Variants in ACSS3 observed in about 807,000 individuals in gnomAD.
ACSS3 encodes acyl-CoA synthetase short-chain family member 3, mitochondrial.
A neutral mutation model predicts 84.2 loss-of-function variants in ACSS3; 64 were observed. The ratio of observed to expected loss-of-function variants is 0.76; its 90% CI spans 0.62 to 0.94. The LOEUF (loss-of-function observed/expected upper bound fraction) is 0.94. Among genes scored for constraint, ACSS3 ranks in the 40% least tolerant of loss-of-function variants. The pLI is 0.00. For synonymous variants in ACSS3, 317 were observed against 310.1 expected (o/e 1.02, Z -0.23); for missense variants, 815 against 867.6 (o/e 0.94, Z 0.76).
At chr12:81,181,295 A>T (rs2030902668) in intron 8 of ACSS3, among the ~76,000 whole-genome samples, 1 of 152,152 alleles carries the variant, frequency 6.6e-6, no homozygotes, top group Admixed American at 6.5e-5. Flanking sequence ...TCTCACCTGG[A>T]GAAGCTGTAT....
intron 5 of ACSS3, among the ~76,000 whole-genome samples, chr12:81,144,782 T>TA (rs1752046327): frequency 6.6e-6 from 1 of 152,074 alleles, no homozygotes; most frequent in Non-Finnish European, 1.5e-5. Context: ...TTTCAGAAAT[T>TA]AAAAGCTGAC....
intron 9 of ACSS3, among the ~76,000 whole-genome samples, chr12:81,203,202 G>T (rs947320250): frequency 6.6e-6 from 1 of 152,152 alleles, no homozygotes; most frequent in African/African-American, 2.4e-5. Flanking sequence ...GAAGAAGAGT[G>T]TATTCCAACT....
chr12:81,172,233 T>G (rs565816223), intron 7 of ACSS3, among the ~76,000 whole-genome samples: 3 of 117,522 alleles, frequency 2.6e-5, no homozygotes, highest in African/African-American at 1.0e-4. Flanking sequence ...GCCACTGCAC[T>G]CCAGCCTGAG....
intron 2 of ACSS3, among the ~76,000 whole-genome samples, chr12:81,128,724 C>G (rs962387901): frequency 3.3e-5 from 5 of 152,118 alleles, no homozygotes; most frequent in African/African-American, 1.2e-4. Context: ...AATTGTAACT[C>G]TACACTCAGA....
chr12:81,239,341 A>G (rs760131008), intron 13 of ACSS3, among the ~76,000 whole-genome samples: 1 of 152,020 alleles, frequency 6.6e-6, no homozygotes, highest in Non-Finnish European at 1.5e-5. Context: ...CAACAATTTC[A>G]TTCAGAGACA....
chr12:81,238,174 A>T (rs997210633), intron 13 of ACSS3, among the ~76,000 whole-genome samples: 1 of 151,718 alleles, frequency 6.6e-6, no homozygotes, highest in Non-Finnish European at 1.5e-5. Flanking sequence ...TGATTATTGA[A>T]TTTCGAACCA....
chr12:81,162,145 T>C (rs753653348), intron 7 of ACSS3, among the ~76,000 whole-genome samples: 1 of 152,188 alleles, frequency 6.6e-6, no homozygotes, highest in Non-Finnish European at 1.5e-5. Flanking sequence ...TCTTGTCCCA[T>C]GTCAAGGATG....
At chr12:81,239,754 A>T (rs1593232214) in intron 13 of ACSS3, among the ~76,000 whole-genome samples, 1 of 152,002 alleles carries the variant, frequency 6.6e-6, no homozygotes, top group Non-Finnish European at 1.5e-5. Context: ...ATTCAAGATG[A>T]GATTTGGATG....
intron 1 of ACSS3, among the ~76,000 whole-genome samples, chr12:81,092,985 T>C (rs1881766351): frequency 6.7e-6 from 1 of 149,516 alleles, no homozygotes; most frequent in African/African-American, 2.5e-5. Context: ...AGGCTATGTC[T>C]AGGTTATGTT....
At chr12:81,228,170 G>C (rs1335066490) in intron 11 of ACSS3, among the ~76,000 whole-genome samples, 1 of 151,846 alleles carries the variant, frequency 6.6e-6, no homozygotes, top group Non-Finnish European at 1.5e-5. Context: ...AATATTTGGT[G>C]ATTGTTACCA....
At chr12:81,121,978 G>A (rs1029805028) in intron 2 of ACSS3, among the ~76,000 whole-genome samples, 15 of 150,562 alleles carry the variant, frequency 1.0e-4, no homozygotes, top group Non-Finnish European at 2.1e-4. Flanking sequence ...CTGCTGCCCA[G>A]ACAGGAGTGC....
intron 1 of ACSS3, among the ~76,000 whole-genome samples, chr12:81,099,750 T>A (rs1418843261): frequency 6.6e-6 from 1 of 152,196 alleles, no homozygotes; most frequent in African/African-American, 2.4e-5. Flanking sequence ...TATTCCCTTT[T>A]ATAATATTTG....
In ACSS3 at chr12:81,253,685, A is replaced by G. The variant is rs1453830214; in HGVS notation, c.1995+15A>G. The G allele has an allele frequency of 1.2e-6, 2 of 1,603,240 alleles. No individual in the cohort carries two copies. Among genetic ancestry groups the G allele is most frequent in the Non-Finnish European group, 1.7e-6 (2 of 1,172,002 alleles). ...AGCCATACAAGGTAAATTATCAAAG[A>G]TATTTATTCCTGGGTTCTAAGATAT... On this transcript the variant is annotated intron_variant, in intron 15 of 15. Transcript: ENST00000548058.
At chr12:81,188,016 G>A (rs761804299) in intron 8 of ACSS3, among the ~76,000 whole-genome samples, 20 of 151,868 alleles carry the variant, frequency 1.3e-4, no homozygotes, top group Non-Finnish European at 2.9e-4. Context: ...TTGAGAATAG[G>A]ATACCTCTAA....
chr12:81,136,995 G>T (rs912911045), intron 3 of ACSS3, among the ~76,000 whole-genome samples: 10 of 152,076 alleles, frequency 6.6e-5, no homozygotes, highest in African/African-American at 2.2e-4. Flanking sequence ...TTCTTAATGG[G>T]AAGAAAGCTA....
rs1425426259 is a variant in ACSS3, at chr12:81,110,645, T to C, written c.456+941T>C. 2.9e-4 allele frequency among the ~76,000 whole-genome samples: 44 copies of C among 152,188 alleles called. 1 individual carries two copies. The highest frequency in any genetic ancestry group is 2.8e-3 in the Admixed American group (43 of 15,270). Reference sequence around the variant, plus strand: ...TAATATTTTGTTGTGGGTGCTGCCATGTACATGGCACGACATTTAGCAGTA... The same window carrying C: ...TAATATTTTGTTGTGGGTGCTGCCACGTACATGGCACGACATTTAGCAGTA... On this transcript the variant is annotated intron_variant, in intron 2 of 15. Transcript: ENST00000548058.
Position 81,259,322 on chromosome 12 carries a change from A to G in ACSS3, c.*4400A>G, listed in dbSNP as rs1390623447. On this transcript the variant is annotated 3_prime_UTR_variant, in exon 16 of 16. Coordinates refer to ENST00000548058, the MANE Select transcript of ACSS3 (RefSeq NM_024560.4). ...AATCATATTTATATCCATTTACATA[A>G]GACTTACACATTTAAAAAGAAATGC... The G allele has an allele frequency of 2.2e-6, 1 of 461,970 alleles. No individual in the cohort carries two copies. The highest frequency in any genetic ancestry group is 4.0e-6 in the Non-Finnish European group (1 of 250,508). The allele number at this position is 461,970 out of a possible 1,614,324, so 28.6% of individuals were successfully genotyped here. A position where few individuals can be genotyped will look rare whatever the true frequency, so the allele number is the denominator to read the frequency against.
At chr12:81,248,948 A>T (rs1441679595) in intron 13 of ACSS3, among the ~76,000 whole-genome samples, 1 of 152,038 alleles carries the variant, frequency 6.6e-6, no homozygotes, top group Non-Finnish European at 1.5e-5. Context: ...AAAATATTTC[A>T]GGGAACTCTA....
At chr12:81,167,827 T>C (rs541872042) in intron 7 of ACSS3, among the ~76,000 whole-genome samples, 1 of 152,278 alleles carries the variant, frequency 6.6e-6, no homozygotes, top group African/African-American at 2.4e-5. Flanking sequence ...TATTTGTGTC[T>C]TGGAGCTTTA....
Sources: allele counts gnomAD v4.1 joint callset (sites outside exome capture counted in the v4.1 genomes callset), GRCh38; gene constraint gnomAD v4.1.1; transcripts MANE v1.5; gene names NCBI Gene and HGNC (gene_info 2026-07-23, HGNC 2026-07-21).